ZFAT: variants seen among roughly 807,000 people sequenced by gnomAD.
ZFAT encodes the protein zinc finger and AT-hook domain containing.
A neutral mutation model predicts 117.7 loss-of-function variants in ZFAT; 64 were observed. That is an observed-to-expected ratio of 0.54 (90% confidence interval 0.44 to 0.67). The LOEUF is 0.67. Ranked by LOEUF, ZFAT falls within the 30% of genes least tolerant of loss-of-function variation. ZFAT has a pLI of 0.00. For missense variants in ZFAT, 1,433 were observed against 1,584.5 expected (o/e 0.90, Z 1.62); for synonymous variants, 679 against 615.0 (o/e 1.10, Z -1.54).
At chr8:134,509,389 AT>A (rs1006727111) in intron 15 of ZFAT, among the ~76,000 whole-genome samples, 49 of 149,342 alleles carry the variant, frequency 3.3e-4, no homozygotes, top group Non-Finnish European at 4.0e-4. Flanking sequence ...AGTTTCCAGA[AT>A]TTTTTTTTTT....
intron 1 of ZFAT, among the ~76,000 whole-genome samples, chr8:134,677,867 C>T (rs10101472): frequency 0.032 from 4,851 of 152,204 alleles, 264 homozygotes; most frequent in African/African-American, 0.11. Context: ...TCTCAATAGA[C>T]GCTGAAAAGG....
In ZFAT at chr8:134,680,336, T is replaced by C. The variant is rs991583121; in HGVS notation, c.20-22599A>G. 1.4e-4 allele frequency among the ~76,000 whole-genome samples: 21 copies of C among 151,134 alleles called. 3 individuals carry two copies. Among genetic ancestry groups the C allele is most frequent in the Admixed American group, 1.1e-3 (17 of 15,198 alleles). ...AGAATGTAAAGAAAGCACTGGATGA[T>C]AGTTTGGCTAGAGCATAATAATTGG... On this transcript the variant is annotated intron_variant, in intron 1 of 15. Coordinates refer to ENST00000377838, the MANE Select transcript of ZFAT (RefSeq NM_020863.4).
intron 1 of ZFAT, among the ~76,000 whole-genome samples, chr8:134,664,640 G>A (rs2131234219): frequency 6.6e-6 from 1 of 152,370 alleles, no homozygotes; most frequent in South Asian, 2.1e-4. Context: ...AAAGCACACA[G>A]AGAGGGCGCC....
In ZFAT at chr8:134,482,987, G is replaced by T. The variant is rs143059189; in HGVS notation, c.3493-4266C>A. Among the ~76,000 whole-genome samples the T allele has an allele frequency of 4.6e-5, 7 of 152,254 alleles. No homozygotes were observed. In the South Asian group the frequency reaches 1.5e-3, roughly 32 times the overall value. On this transcript the variant is annotated intron_variant, in intron 15 of 15. Transcript: ENST00000377838. ...AGACGCTGCCCACACAGATGTCCAC[G>T]TCACAAAAAGCTAACGTGTAGAGAG...
chr8:134,546,603 CCT>C (rs2130666489), intron 11 of ZFAT, among the ~76,000 whole-genome samples: 1 of 152,304 alleles, frequency 6.6e-6, no homozygotes, highest in East Asian at 1.9e-4. Flanking sequence ...TTCAGTCTTA[CCT>C]CTCTTTTATT....
At chr8:134,724,881 G>A in the ZFAT span, among the ~76,000 whole-genome samples, 52,018 of 151,982 alleles carry the variant, frequency 0.34, 9,234 homozygotes, top group South Asian at 0.44. Context: ...TTTGCGAACT[G>A]AAGTCCAAGC....
the ZFAT span, among the ~76,000 whole-genome samples, chr8:134,731,495 T>G: frequency 9.9e-5 from 15 of 152,228 alleles, no homozygotes; most frequent in Non-Finnish European, 1.9e-4. Context: ...CACTCAGTTC[T>G]GTCATTGTAG....
chr8:134,811,414 G>T, the ZFAT span, among the ~76,000 whole-genome samples: 1 of 151,970 alleles, frequency 6.6e-6, no homozygotes, highest in African/African-American at 2.4e-5. Context: ...TATAATTGGG[G>T]ATATCTGCAT....
rs759758231 is a variant in ZFAT, at chr8:134,657,744, G to C, written c.20-7C>G. 6 of 1,595,486 alleles carry C rather than the reference G, an allele frequency of 3.8e-6. No individual in the cohort carries two copies. The highest frequency in any genetic ancestry group is 5.1e-6 in the Non-Finnish European group (6 of 1,173,128). ...ATAAAGATGGCCGTGTTTTCTGTAA[G>C]GAAAAAAAAGGAAAATATGTTATTT... On this transcript the variant is annotated splice_polypyrimidine_tract_variant and splice_region_variant and intron_variant, in intron 1 of 15. Transcript: ENST00000377838.
At chr8:134,675,058 G>A (rs974580358) in intron 1 of ZFAT, among the ~76,000 whole-genome samples, 19 of 152,348 alleles carry the variant, frequency 1.2e-4, no homozygotes, top group Middle Eastern at 6.8e-3. Flanking sequence ...TCCTCCAAAG[G>A]ATCACAACTC....
At chr8:134,772,465 C>T in the ZFAT span, among the ~76,000 whole-genome samples, 1 of 152,154 alleles carries the variant, frequency 6.6e-6, no homozygotes, top group African/African-American at 2.4e-5. Context: ...AAAGTCTAAT[C>T]CAGAGCAAGG....
chr8:134,490,556 C>T (rs1817979896), intron 15 of ZFAT, among the ~76,000 whole-genome samples: 1 of 152,214 alleles, frequency 6.6e-6, no homozygotes, highest in Non-Finnish European at 1.5e-5. Context: ...ACATGAGGGG[C>T]CATCAGATGT....
the ZFAT span, among the ~76,000 whole-genome samples, chr8:134,830,145 TTGA>T: frequency 1.3e-5 from 2 of 152,134 alleles, no homozygotes; most frequent in Non-Finnish European, 2.9e-5. Flanking sequence ...ATGCTAAGTG[TTGA>T]TTTGTCCAAT....
chr8:134,482,237 A>T (rs567889927), intron 15 of ZFAT, among the ~76,000 whole-genome samples: 1 of 152,182 alleles, frequency 6.6e-6, no homozygotes, highest in East Asian at 1.9e-4. Flanking sequence ...GCTCCAGATC[A>T]TACCTCCGTC....
intron 1 of ZFAT, 108 bp downstream of exon 1, chr8:134,712,737 C>A: frequency 8.9e-7 from 1 of 1,121,824 alleles, no homozygotes; most frequent in Non-Finnish European, 1.2e-6. Flanking sequence ...CGGCCGGCGG[C>A]CGGCGGCCGG....
At chr8:134,736,021 C>T in the ZFAT span, among the ~76,000 whole-genome samples, 1 of 152,120 alleles carries the variant, frequency 6.6e-6, no homozygotes, top group African/African-American at 2.4e-5. Flanking sequence ...TAAGGCCCAG[C>T]CACCTGTCCT....
At chr8:134,700,176 C>CA (rs1833971969) in intron 1 of ZFAT, among the ~76,000 whole-genome samples, 1 of 152,156 alleles carries the variant, frequency 6.6e-6, no homozygotes. Context: ...CCTCAGATGA[C>CA]ATGTTTAGCT....
At chr8:134,566,333 G>T (rs997141447) in intron 10 of ZFAT, among the ~76,000 whole-genome samples, 1 of 135,740 alleles carries the variant, frequency 7.4e-6, no homozygotes, top group African/African-American at 2.7e-5. Flanking sequence ...GGTGGAGCTT[G>T]CAGTGAGCCG....
chr8:134,525,174 C>T (rs1349510020), intron 12 of ZFAT, among the ~76,000 whole-genome samples: 1 of 152,224 alleles, frequency 6.6e-6, no homozygotes, highest in Non-Finnish European at 1.5e-5. Context: ...ACACCACTCA[C>T]TCCTGGTTCT....
Sources: allele counts gnomAD v4.1 joint callset (sites outside exome capture counted in the v4.1 genomes callset), GRCh38; gene constraint gnomAD v4.1.1; transcripts MANE v1.5; gene names NCBI Gene and HGNC (gene_info 2026-07-23, HGNC 2026-07-21).